EYS: variants seen among roughly 807,000 people sequenced by gnomAD.
EYS encodes the protein protein eyes shut homolog.
A neutral mutation model predicts 282.1 loss-of-function variants in EYS; 250 were observed. The ratio of observed to expected loss-of-function variants is 0.89; its 90% CI spans 0.80 to 0.98. EYS has a LOEUF of 0.98. EYS is among the 50% of genes least tolerant of loss of function. The pLI is 0.00. For synonymous variants in EYS, 1,355 were observed against 1,282.9 expected, an observed-to-expected ratio of 1.06 and a Z score of -1.20; for missense variants, 4,016 against 3,709.0, an observed-to-expected ratio of 1.08 and a Z score of -2.15.
At chr6:63,853,534 A>G (rs1272222740) in intron 36 of EYS, among the ~76,000 whole-genome samples, 4 of 152,220 alleles carry the variant, frequency 2.6e-5, no homozygotes, top group African/African-American at 7.2e-5. Context: ...GGAAGAATCA[A>G]TGTCGTGCAA....
chr6:63,894,435 C>A (rs1176936912), intron 35 of EYS, among the ~76,000 whole-genome samples: 3 of 152,112 alleles, frequency 2.0e-5, no homozygotes, highest in Non-Finnish European at 2.9e-5. Flanking sequence ...ACTGAGGATG[C>A]CAGCAGCCAC....
At chr6:64,862,695 A>T (rs78550811) in intron 19 of EYS, among the ~76,000 whole-genome samples, 9,136 of 151,956 alleles carry the variant, frequency 0.06, 292 homozygotes, top group East Asian at 0.16. Context: ...ATTTTTTTGC[A>T]ACTTCTATTT....
chr6:64,787,375 T>C (rs555904639), intron 22 of EYS, among the ~76,000 whole-genome samples: 12 of 152,202 alleles, frequency 7.9e-5, no homozygotes, highest in Non-Finnish European at 1.8e-4. Context: ...TTTGCAAGCA[T>C]TGTTCCCTTG....
At chr6:63,866,868 A>G (rs1354234453) in intron 35 of EYS, among the ~76,000 whole-genome samples, 1 of 152,198 alleles carries the variant, frequency 6.6e-6, no homozygotes, top group African/African-American at 2.4e-5. Flanking sequence ...TGGCACTTCA[A>G]ATTGTACCTC....
At position 64,358,551 on chromosome 6, in the gene EYS, C is replaced by T. The variant is rs754858577; in HGVS notation, c.6078+30139G>A. Among the ~76,000 whole-genome samples, 4 of 151,676 alleles carry T rather than the reference C, an allele frequency of 2.6e-5. 1 individual carries two copies. In the South Asian group the frequency reaches 6.2e-4, roughly 24 times the overall value. On this transcript the variant is annotated intron_variant, in intron 29 of 42. Transcript: ENST00000503581. ...CTCAGATCTCAGGATGAAAACCTTT[C>T]CCATCATTTCTATGTTAGCCATGAA...
intron 35 of EYS, among the ~76,000 whole-genome samples, chr6:63,962,865 C>T (rs1358119962): frequency 1.3e-5 from 2 of 152,014 alleles, no homozygotes; most frequent in Admixed American, 6.6e-5. Context: ...AACCCAAATG[C>T]CCAACAACGA....
chr6:64,420,182 T>C (rs1027753884), intron 28 of EYS, among the ~76,000 whole-genome samples: 3 of 152,038 alleles, frequency 2.0e-5, no homozygotes, highest in African/African-American at 7.2e-5. Context: ...TGCCAAGACC[T>C]GGGGCTTACA....
intron 12 of EYS, among the ~76,000 whole-genome samples, chr6:65,272,523 C>A (rs1264511619): frequency 6.6e-6 from 1 of 152,146 alleles, no homozygotes; most frequent in African/African-American, 2.4e-5. Flanking sequence ...TAAATCTAAT[C>A]ATGTTCCAGA....
intron 31 of EYS, among the ~76,000 whole-genome samples, chr6:64,205,673 C>T (rs1183100220): frequency 1.3e-5 from 2 of 152,012 alleles, no homozygotes; most frequent in Non-Finnish European, 2.9e-5. Flanking sequence ...AAACCAGGTG[C>T]CAGGATATCC....
At chr6:63,826,764 A>G (rs1319385372) in intron 36 of EYS, among the ~76,000 whole-genome samples, 1 of 151,918 alleles carries the variant, frequency 6.6e-6, no homozygotes, top group Non-Finnish European at 1.5e-5. Context: ...TGGGAAAAAA[A>G]TCCTGTAAAC....
At chr6:65,377,164 T>C (rs1167795175) in intron 8 of EYS, among the ~76,000 whole-genome samples, 6 of 151,938 alleles carry the variant, frequency 3.9e-5, no homozygotes, top group African/African-American at 1.4e-4. Flanking sequence ...TGGATGCAAA[T>C]GTAAAAAAAC....
intron 22 of EYS, among the ~76,000 whole-genome samples, chr6:64,768,669 T>C (rs1302378849): frequency 6.6e-6 from 1 of 152,134 alleles, no homozygotes; most frequent in Non-Finnish European, 1.5e-5. Flanking sequence ...TTTGCAACCA[T>C]AATATGAGCC....
chr6:64,532,696 G>T (rs1392613011), intron 26 of EYS, among the ~76,000 whole-genome samples: 2 of 152,070 alleles, frequency 1.3e-5, no homozygotes, highest in Non-Finnish European at 2.9e-5. Flanking sequence ...GTGACGGAGT[G>T]AGACTCCGTC....
At chr6:64,856,392 C>T (rs1766060273) in intron 19 of EYS, among the ~76,000 whole-genome samples, 1 of 152,110 alleles carries the variant, frequency 6.6e-6, no homozygotes, top group Admixed American at 6.6e-5. Flanking sequence ...GCTCAACTTC[C>T]CAGGCTAAGG....
intron 26 of EYS, among the ~76,000 whole-genome samples, chr6:64,469,775 TCAGGCCCACCCA>T (rs1256816104): frequency 6.6e-6 from 1 of 152,052 alleles, no homozygotes; most frequent in Non-Finnish European, 1.5e-5. Context: ...CTGACATTAG[TCAGGCCCACCCA>T]CAGTTATCCA....
intron 2 of EYS, among the ~76,000 whole-genome samples, chr6:65,570,172 A>G (rs66812553): frequency 0.17 from 26,379 of 152,080 alleles, 2,856 homozygotes; most frequent in Middle Eastern, 0.34. Context: ...AGTAAAAGGT[A>G]TTCAAGGGGA....
At chr6:65,690,400 AT>A (rs774054356) in intron 1 of EYS, among the ~76,000 whole-genome samples, 1 of 149,628 alleles carries the variant, frequency 6.7e-6, no homozygotes, top group Non-Finnish European at 1.5e-5. Flanking sequence ...GGTGCCCCTC[AT>A]GCGTCCGTTT....
intron 35 of EYS, among the ~76,000 whole-genome samples, chr6:63,903,978 A>T (rs1773715822): frequency 6.6e-6 from 1 of 152,242 alleles, no homozygotes; most frequent in African/African-American, 2.4e-5. Flanking sequence ...TTTTCTACAT[A>T]TAGCCCTCCT....
intron 29 of EYS, among the ~76,000 whole-genome samples, chr6:64,309,977 T>C (rs1283906749): frequency 8.3e-6 from 1 of 120,130 alleles, no homozygotes; most frequent in Non-Finnish European, 1.8e-5. Context: ...AAAAAAAAAA[T>C]GCTCAACATC....
Sources: gnomAD v4.1 joint callset for allele counts (sites outside exome capture counted in the v4.1 genomes callset) on GRCh38, gnomAD v4.1.1 for gene constraint, MANE v1.5 for transcripts, NCBI Gene and HGNC (gene_info 2026-07-23, HGNC 2026-07-21) for gene names.